Variants in PRKAR2A observed in about 807,000 individuals in gnomAD.
PRKAR2A encodes protein kinase cAMP-dependent type II regulatory subunit alpha.
In PRKAR2A, 29 loss-of-function variants were observed where a neutral mutation model predicts 51.9. That is an observed-to-expected ratio of 0.56 (90% confidence interval 0.42 to 0.76). PRKAR2A has a LOEUF of 0.76. Among genes scored for constraint, PRKAR2A ranks in the 30% least tolerant of loss-of-function variants. PRKAR2A has a pLI of 0.00. For synonymous variants in PRKAR2A, 178 were observed against 186.2 expected, an observed-to-expected ratio of 0.96 and a Z score of 0.36; for missense variants, 445 against 512.1, an observed-to-expected ratio of 0.87 and a Z score of 1.26.
intron 2 of PRKAR2A, among the ~76,000 whole-genome samples, chr3:48,799,010 G>A (rs527334851): frequency 6.6e-6 from 1 of 152,048 alleles, no homozygotes; most frequent in Non-Finnish European, 1.5e-5. Context: ...CTCTTCCTCT[G>A]TTCCCCTCAA....
At chr3:48,752,068 T>C (rs994959860) in intron 10 of PRKAR2A, 108 bp downstream of exon 10, 6 of 1,318,160 alleles carry the variant, frequency 4.6e-6, no homozygotes, top group Non-Finnish European at 6.2e-6. Flanking sequence ...ATAAACTGCC[T>C]AGGCCTAGAC....
intron 1 of PRKAR2A, among the ~76,000 whole-genome samples, chr3:48,834,947 A>G (rs1369988055): frequency 1.3e-5 from 2 of 151,134 alleles, no homozygotes; most frequent in Non-Finnish European, 2.9e-5. Context: ...CAGCACTTTG[A>G]GAGACTGAGG....
chr3:48,814,057 G>A (rs1173997413), intron 1 of PRKAR2A, among the ~76,000 whole-genome samples: 2 of 152,088 alleles, frequency 1.3e-5, no homozygotes, highest in Admixed American at 1.3e-4. Context: ...AGACCATACT[G>A]GCCAACATGG....
At chr3:48,796,393 T>C (rs953109300) in intron 2 of PRKAR2A, among the ~76,000 whole-genome samples, 5 of 152,226 alleles carry the variant, frequency 3.3e-5, no homozygotes, top group African/African-American at 1.2e-4. Context: ...ATGTTGGTTC[T>C]GTTCTCTATT....
intron 1 of PRKAR2A, among the ~76,000 whole-genome samples, chr3:48,841,145 C>A (rs115682653): frequency 6.6e-6 from 1 of 151,290 alleles, no homozygotes; most frequent in South Asian, 2.1e-4. Flanking sequence ...CTCGGCCCCC[C>A]AGTGCTGGGA....
At position 48,795,824 on chromosome 3, in the gene PRKAR2A, C is replaced by T. The variant is rs116780602; in HGVS notation, c.299-1775G>A. On this transcript the variant is annotated intron_variant, in intron 2 of 10. Coordinates refer to ENST00000265563, the MANE Select transcript of PRKAR2A (RefSeq NM_004157.4). ...TGCTGGGATTACAGGCATGTGCCAC[C>T]GCGCCTGACCTGTAATTCCAAAACT... Among the ~76,000 whole-genome samples the T allele has an allele frequency of 7.6e-3, 1,163 of 152,236 alleles. 7 individuals are homozygous for T. The highest frequency in any genetic ancestry group is 0.012 in the Non-Finnish European group (820 of 68,018).
chr3:48,828,770 CTTTTT>C (rs915503502), intron 1 of PRKAR2A, among the ~76,000 whole-genome samples: 2 of 149,634 alleles, frequency 1.3e-5, no homozygotes, highest in Admixed American at 6.7e-5. Context: ...TCCTTTAAGC[CTTTTT>C]TTTATTTTTT....
At chr3:48,834,473 G>A (rs1325161669) in intron 1 of PRKAR2A, among the ~76,000 whole-genome samples, 1 of 152,174 alleles carries the variant, frequency 6.6e-6, no homozygotes, top group East Asian at 1.9e-4. Flanking sequence ...AGTGGTTCAT[G>A]ACTGTAATCC....
At chr3:48,752,802 A>G (rs1023394232) in intron 9 of PRKAR2A, among the ~76,000 whole-genome samples, 3 of 151,686 alleles carry the variant, frequency 2.0e-5, no homozygotes, top group African/African-American at 7.3e-5. Context: ...GCCTCAAGCA[A>G]TCCTCCCATC....
chr3:48,813,969 C>G (rs916955480), intron 1 of PRKAR2A, among the ~76,000 whole-genome samples: 1 of 151,950 alleles, frequency 6.6e-6, no homozygotes, highest in Admixed American at 6.6e-5. Context: ...ACTAAAAATA[C>G]AAAAATTAGG....
At chr3:48,832,701 G>A (rs1251635887) in intron 1 of PRKAR2A, among the ~76,000 whole-genome samples, 2 of 151,824 alleles carry the variant, frequency 1.3e-5, no homozygotes, top group Non-Finnish European at 2.9e-5. Flanking sequence ...TGCTCCTTGA[G>A]GATAAGGGCT....
At chr3:48,767,445 C>T (rs2081957442) in intron 6 of PRKAR2A, among the ~76,000 whole-genome samples, 1 of 151,902 alleles carries the variant, frequency 6.6e-6, no homozygotes, top group Non-Finnish European at 1.5e-5. Flanking sequence ...TGCCACTGCA[C>T]TCCAGCCTGG....
intron 2 of PRKAR2A, among the ~76,000 whole-genome samples, chr3:48,806,909 T>C (rs2082683018): frequency 6.6e-6 from 1 of 151,978 alleles, no homozygotes; most frequent in Non-Finnish European, 1.5e-5. Context: ...TAGCTGGGAC[T>C]ACAGGGGCGC....
At chr3:48,782,820 A>G (rs2082222494) in intron 5 of PRKAR2A, among the ~76,000 whole-genome samples, 166 bp downstream of exon 5, 1 of 152,244 alleles carries the variant, frequency 6.6e-6, no homozygotes, top group South Asian at 2.1e-4. Context: ...GACTCAGGAC[A>G]GCACTGGTAG....
rs1288824665 is a variant in PRKAR2A at position 48,847,373 on chromosome 3, T to C, written c.224A>G (p.Lys75Arg). The C allele has an allele frequency of 3.7e-6, 6 of 1,613,148 alleles. No individual in the cohort carries two copies. Among genetic ancestry groups the C allele is most frequent in the East Asian group, 2.2e-5 (1 of 44,856 alleles). ...EPGPDRVADA[K>R]GDSESEEDED... ...GTCCTCCTCCGACTCGCTGTCCCCT[T>C]TGGCGTCGGCGACACGGTCCGGGCC... The change falls in exon 1 of 11, where the codon AAA becomes AGA. Residue 75 changes from lysine (K) to arginine (R), a missense_variant. Lys to Arg is a conservative substitution (Grantham distance 26). Transcript: ENST00000265563. The surrounding 1 kb of genome is among the most constrained non-coding windows in gnomAD (Gnocchi z 4.4).
intron 1 of PRKAR2A, among the ~76,000 whole-genome samples, chr3:48,814,485 A>C (rs1234144535): frequency 6.6e-6 from 1 of 152,194 alleles, no homozygotes. Context: ...ACTGAGTGGG[A>C]TATTCAACTG....
chr3:48,764,093 G>C (rs1232223915), intron 8 of PRKAR2A, among the ~76,000 whole-genome samples: 2 of 152,118 alleles, frequency 1.3e-5, no homozygotes, highest in Non-Finnish European at 2.9e-5. Flanking sequence ...CTGGGTTCTA[G>C]GATAAGCATA....
chr3:48,837,254 T>C (rs1488600220), intron 1 of PRKAR2A, among the ~76,000 whole-genome samples: 1 of 152,124 alleles, frequency 6.6e-6, no homozygotes, highest in East Asian at 1.9e-4. Context: ...TAATGACCTA[T>C]GATTCTGCTA....
rs967744747 is a variant in PRKAR2A, at chr3:48,807,800, G to C, written c.263-116C>G. 17 of 764,182 alleles carry C rather than the reference G, an allele frequency of 2.2e-5. No homozygotes were observed. The African/African-American group carries it at 2.6e-4, about 12-fold the overall frequency. 47.3% of individuals were successfully genotyped at this position (764,182 alleles called of 1,614,324 possible). A position where few individuals can be genotyped will look rare whatever the true frequency, so the allele number is the denominator to read the frequency against. On this transcript the variant is annotated intron_variant, in intron 1 of 10. Transcript: ENST00000265563. The stretch of plus-strand genomic sequence containing the variant: ...CTAAGCCCCTCAAAACCAAGCAGTG[G>C]GTCAGTTCATAGTCTTCCACACTCA...
Sources: gnomAD v4.1 joint callset for allele counts (sites outside exome capture counted in the v4.1 genomes callset) on GRCh38, gnomAD v4.1.1 for gene constraint, Gnocchi (gnomAD v3.1) non-coding constraint, MANE v1.5 for transcripts, NCBI Gene and HGNC (gene_info 2026-07-23, HGNC 2026-07-21) for gene names.